CD6: variants seen among roughly 807,000 people sequenced by gnomAD.
The protein encoded by CD6 is CD6 molecule, also known as T-cell differentiation antigen CD6.
A neutral mutation model predicts 75.3 loss-of-function variants in CD6; 53 were observed. The ratio of observed to expected loss-of-function variants is 0.70; its 90% CI spans 0.56 to 0.88. The LOEUF is 0.88. CD6 is among the 40% of genes least tolerant of loss of function. The pLI is 0.00. For missense variants in CD6, 770 were observed against 897.1 expected (o/e 0.86, Z 1.81); for synonymous variants, 359 against 381.5 (o/e 0.94, Z 0.69).
chr11:60,975,933 T>A (rs1359469827), intron 1 of CD6, among the ~76,000 whole-genome samples: 1 of 152,248 alleles, frequency 6.6e-6, no homozygotes, highest in Non-Finnish European at 1.5e-5. Context: ...TTCCATATTT[T>A]ATAGAGCATG....
chr11:60,982,323 G>C (rs1857603541), intron 1 of CD6, among the ~76,000 whole-genome samples: 1 of 152,190 alleles, frequency 6.6e-6, no homozygotes, highest in African/African-American at 2.4e-5. Context: ...AAAGCCAAGC[G>C]TGACTCTGTT....
At chr11:60,984,588 G>A (rs1857724472) in intron 1 of CD6, among the ~76,000 whole-genome samples, 3 of 152,232 alleles carry the variant, frequency 2.0e-5, no homozygotes, top group Non-Finnish European at 4.4e-5. Context: ...CGGTCTTCAA[G>A]AAGCTTCTAT....
chr11:61,018,107 T>C (rs1565163564), intron 11 of CD6, 94 bp downstream of exon 11: 1 of 1,482,290 alleles, frequency 6.7e-7, no homozygotes, highest in Non-Finnish European at 9.2e-7. Flanking sequence ...AGGTCAGGAT[T>C]CTACCCAGTT....
Position 61,019,411 on chromosome 11 carries a change from C to T in CD6, c.*93C>T. The T allele has an allele frequency of 1.0e-6, 1 of 976,628 alleles. No homozygotes were observed. Among genetic ancestry groups the T allele is most frequent in the Non-Finnish European group, 1.5e-6 (1 of 655,446 alleles). 60.5% of individuals were successfully genotyped at this position (976,628 alleles called of 1,614,324 possible). A position where few individuals can be genotyped will look rare whatever the true frequency, so the allele number is the denominator to read the frequency against. ...CCCCTTTCCCACCCTCCCAGCTCAC[C>T]TCCCCATGGAGCTGAGAGGCCTCCC... On this transcript the variant is annotated 3_prime_UTR_variant, in exon 13 of 13. Transcript: ENST00000313421.
chr11:61,005,521 C>T (rs1284013077), intron 1 of CD6, among the ~76,000 whole-genome samples: 1 of 152,212 alleles, frequency 6.6e-6, no homozygotes, highest in Non-Finnish European at 1.5e-5. Flanking sequence ...TGGATAGTAG[C>T]TCTGGTGGAA....
intron 1 of CD6, among the ~76,000 whole-genome samples, chr11:60,986,468 A>G (rs72922418): frequency 0.034 from 5,136 of 152,256 alleles, 121 homozygotes; most frequent in Non-Finnish European, 0.05. Context: ...GGGTGTGGCC[A>G]TGTCACTCTT....
At chr11:60,981,394 C>G (rs1388079648) in intron 1 of CD6, among the ~76,000 whole-genome samples, 1 of 152,200 alleles carries the variant, frequency 6.6e-6, no homozygotes, top group Non-Finnish European at 1.5e-5. Flanking sequence ...GGACCCCTCC[C>G]CACTCAAGAC....
At chr11:61,000,661 T>A (rs1460331728) in intron 1 of CD6, among the ~76,000 whole-genome samples, 7 of 152,208 alleles carry the variant, frequency 4.6e-5, no homozygotes, top group Non-Finnish European at 7.3e-5. Context: ...CCTCGATGTC[T>A]ATGCCTCCTT....
At chr11:61,016,698 C>A (rs1299609157) in intron 9 of CD6, among the ~76,000 whole-genome samples, 2 of 152,196 alleles carry the variant, frequency 1.3e-5, no homozygotes, top group Admixed American at 6.5e-5. Context: ...GAACGAAAAC[C>A]CACTAGCTGC....
chr11:61,013,797 C>T (rs1859270447), intron 7 of CD6, 122 bp from the exon 8 acceptor site: 3 of 751,718 alleles, frequency 4.0e-6, no homozygotes, highest in Non-Finnish European at 4.4e-6. Context: ...TGCGCGCGCA[C>T]ATGTGCCTGC....
At chr11:60,991,276 G>A (rs1858056126) in intron 1 of CD6, among the ~76,000 whole-genome samples, 1 of 148,824 alleles carries the variant, frequency 6.7e-6, no homozygotes, top group Non-Finnish European at 1.5e-5. Context: ...TCAGCCTCTC[G>A]AGTAGCTAGG....
chr11:61,016,692 G>A (rs960323951), intron 9 of CD6, among the ~76,000 whole-genome samples: 3 of 152,328 alleles, frequency 2.0e-5, no homozygotes, highest in East Asian at 1.9e-4. Context: ...CACCCAGAAC[G>A]AAAACCCACT....
At chr11:60,980,836 T>C (rs531612159) in intron 1 of CD6, among the ~76,000 whole-genome samples, 4 of 152,118 alleles carry the variant, frequency 2.6e-5, no homozygotes, top group Non-Finnish European at 4.4e-5. Flanking sequence ...TGAGACTCTG[T>C]TTCAAAATAA....
chr11:61,011,230 G>A (rs971890276), intron 6 of CD6, 95 bp downstream of exon 6: 15 of 964,010 alleles, frequency 1.6e-5, no homozygotes, highest in Admixed American at 2.5e-5. Context: ...TGTTGGGGTG[G>A]AGGATGGTTT....
intron 1 of CD6, among the ~76,000 whole-genome samples, chr11:60,992,371 A>AG (rs200664353): frequency 0.011 from 1,679 of 151,728 alleles, 28 homozygotes; most frequent in African/African-American, 0.033. Context: ...GAGGGAGGCA[A>AG]GGGGGGCATG....
At chr11:60,987,844 A>G (rs1590681521) in intron 1 of CD6, 1 of 152,192 alleles carries the variant, frequency 6.6e-6, no homozygotes, top group Non-Finnish European at 1.5e-5. Context: ...CTTAGTTCCA[A>G]GCCCAAGGAT....
chr11:60,982,181 C>T (rs1057211052), intron 1 of CD6, among the ~76,000 whole-genome samples: 2 of 45,288 alleles, frequency 4.4e-5, no homozygotes, highest in Non-Finnish European at 9.1e-5. Context: ...GTAAGAGTGA[C>T]GAGGGGCCTT....
rs903366605 is a variant in CD6, at chr11:60,971,808, C to T, written c.-58C>T. On this transcript the variant is annotated 5_prime_UTR_variant, in exon 1 of 13. Transcript: ENST00000313421. ...CACAACGGCCGTGTCCACCTCCCGG[C>T]CCCAAGATGGTGCTTCCCACAGGCA... 6.6e-5 allele frequency: 105 copies of T among 1,580,840 alleles called. 2 individuals carry two copies. In the South Asian group the frequency reaches 1.1e-3, roughly 17 times the overall value.
chr11:60,980,965 G>T (rs928117807), intron 1 of CD6, among the ~76,000 whole-genome samples: 1 of 152,148 alleles, frequency 6.6e-6, no homozygotes, highest in Non-Finnish European at 1.5e-5. Context: ...GGTCCTGTTG[G>T]GTCATGTTGG....
Sources: allele counts gnomAD v4.1 joint callset (sites outside exome capture counted in the v4.1 genomes callset), GRCh38; gene constraint gnomAD v4.1.1; transcripts MANE v1.5; gene names NCBI Gene and HGNC (gene_info 2026-07-23, HGNC 2026-07-21).